RPN2: variants seen among roughly 807,000 people sequenced by gnomAD.
RPN2 encodes dolichyl-diphosphooligosaccharide--protein glycosyltransferase subunit 2.
RPN2 carries 29 observed loss-of-function variants against 71.4 expected under a neutral mutation model. The observed-to-expected ratio is 0.41, with a 90% confidence interval of 0.30 to 0.55. RPN2 has a LOEUF of 0.55. RPN2 is among the 20% of genes least tolerant of loss of function. The pLI, the probability that RPN2 is intolerant of heterozygous loss-of-function variation, is 0.35. For missense variants in RPN2, 726 were observed against 774.1 expected (o/e 0.94, Z 0.74); for synonymous variants, 308 against 305.0 (o/e 1.01, Z -0.10).
Position 37,213,751 on chromosome 20 carries a change from T to A in RPN2, c.987-9T>A. The A allele has an allele frequency of 5.0e-6, 8 of 1,604,778 alleles. No individual in the cohort carries two copies. The highest frequency in any genetic ancestry group is 6.8e-6 in the Non-Finnish European group (8 of 1,171,510). ...GAGTTCTTGCTAAGCCCATTGTCAT[T>A]CTTAACAGGGATGTTTTTGAACTAA... On this transcript the variant is annotated splice_polypyrimidine_tract_variant and intron_variant, in intron 8 of 16. Coordinates refer to ENST00000237530, the MANE Select transcript of RPN2 (RefSeq NM_002951.5).
chr20:37,233,904 A>G, intron 14 of RPN2, 116 bp from the exon 15 acceptor site: 1 of 1,107,558 alleles, frequency 9.0e-7, no homozygotes, highest in Middle Eastern at 2.0e-4. Flanking sequence ...CTGTCCTTCT[A>G]GGATGCATGA....
At chr20:37,206,666 C>A (rs2067515543) in intron 6 of RPN2, among the ~76,000 whole-genome samples, 1 of 152,044 alleles carries the variant, frequency 6.6e-6, no homozygotes, top group Non-Finnish European at 1.5e-5. Flanking sequence ...AGTTTCATAT[C>A]TCAGTAGTTA....
intron 6 of RPN2, among the ~76,000 whole-genome samples, 181 bp from the exon 7 acceptor site, chr20:37,207,092 C>T (rs1462891219): frequency 6.6e-6 from 1 of 152,102 alleles, no homozygotes; most frequent in Non-Finnish European, 1.5e-5. Context: ...ACAACCACAT[C>T]CAAGTTCTAA....
At chr20:37,192,704 A>T (rs2067169549) in intron 2 of RPN2, among the ~76,000 whole-genome samples, 1 of 152,202 alleles carries the variant, frequency 6.6e-6, no homozygotes, top group Admixed American at 6.5e-5. Context: ...TACATGCACG[A>T]ATATTTGCAA....
chr20:37,212,485 ATT>A (rs11477716), intron 8 of RPN2, among the ~76,000 whole-genome samples: 110 of 145,576 alleles, frequency 7.6e-4, no homozygotes, highest in Admixed American at 1.2e-3. Flanking sequence ...ATTGTATAGA[ATT>A]TTTTTTTTTT....
rs747690463 is a variant in RPN2 at position 37,213,871 on chromosome 20, T to A, written c.1092+6T>A. On this transcript the variant is annotated splice_donor_region_variant and intron_variant, in intron 9 of 16. Coordinates refer to ENST00000237530, the MANE Select transcript of RPN2 (RefSeq NM_002951.5). ...ATATTGCAAATACCGTAGAGGTAGGTGTTTTTCTTTCCTTCCCATTGCCAT... is the reference window on the plus strand; with the variant it reads ...ATATTGCAAATACCGTAGAGGTAGGAGTTTTTCTTTCCTTCCCATTGCCAT... 69 of 1,600,896 alleles carry A rather than the reference T, an allele frequency of 4.3e-5. No homozygotes were observed. The highest frequency in any genetic ancestry group is 5.6e-5 in the Non-Finnish European group (65 of 1,168,048).
intron 2 of RPN2, among the ~76,000 whole-genome samples, chr20:37,194,134 T>C (rs891827328): frequency 1.3e-5 from 2 of 152,182 alleles, no homozygotes; most frequent in African/African-American, 4.8e-5. Context: ...AGGTTGCCAC[T>C]GGCCTGCTGG....
At chr20:37,238,568 G>A in intron 16 of RPN2, 1 of 762,374 alleles carries the variant, frequency 1.3e-6, no homozygotes, top group Non-Finnish European at 2.3e-6. Flanking sequence ...CCCTCCCTAA[G>A]CCACAGCTGA....
At chr20:37,206,521 T>G (rs2067512438) in intron 6 of RPN2, among the ~76,000 whole-genome samples, 1 of 152,200 alleles carries the variant, frequency 6.6e-6, no homozygotes, top group Admixed American at 6.6e-5. Context: ...AGTTTCATTT[T>G]TTGGGAAACA....
intron 2 of RPN2, among the ~76,000 whole-genome samples, chr20:37,194,255 ATTGTTGTTGTTG>A (rs71843863): frequency 1.3e-5 from 2 of 150,080 alleles, no homozygotes; most frequent in Non-Finnish European, 3.0e-5. Context: ...GTTGAGGGAA[ATTGTTGTTGTTG>A]TTGTTGTTGT....
At chr20:37,192,228 ATTTG>A (rs2067157527) in intron 2 of RPN2, among the ~76,000 whole-genome samples, 2 of 152,186 alleles carry the variant, frequency 1.3e-5, no homozygotes, top group African/African-American at 4.8e-5. Flanking sequence ...TAGTAAGTAT[ATTTG>A]TTTGTGGGTC....
rs749078833 is a variant in RPN2, at chr20:37,229,956, T to C, written c.1495-17T>C. ...TCTCTGCCCCTGTGCTTTTACAGAC[T>C]GTCCTTATTTTTCTAGGCTGATGTG... On this transcript the variant is annotated splice_polypyrimidine_tract_variant and intron_variant, in intron 12 of 16. Coordinates refer to ENST00000237530, the MANE Select transcript of RPN2 (RefSeq NM_002951.5). 6 of 1,597,478 alleles carry C rather than the reference T, an allele frequency of 3.8e-6. No individual in the cohort carries two copies. The East Asian group carries it at 1.1e-4, about 30-fold the overall frequency.
chr20:37,198,512 C>G lies in RPN2; in HGVS notation c.303+20C>G, dbSNP rs776742985. 6.2e-6 allele frequency: 10 copies of G among 1,614,040 alleles called. No individual in the cohort carries two copies. The South Asian group carries it at 1.1e-4, about 18-fold the overall frequency. Reference sequence around the variant, plus strand: ...TGTGAGGTGAGTCCGGGTTCCTACGCTGACAATGACTTTAACTATTTAAAG... The same window carrying G: ...TGTGAGGTGAGTCCGGGTTCCTACGGTGACAATGACTTTAACTATTTAAAG... On this transcript the variant is annotated intron_variant, in intron 3 of 16. Transcript: ENST00000237530.
intron 9 of RPN2, among the ~76,000 whole-genome samples, chr20:37,219,294 T>G (rs558805405): frequency 6.6e-6 from 1 of 152,372 alleles, no homozygotes; most frequent in African/African-American, 2.4e-5. Flanking sequence ...TCTCTTTATG[T>G]GCTTATTGGT....
intron 9 of RPN2, among the ~76,000 whole-genome samples, chr20:37,214,667 T>A (rs1250871843): frequency 6.6e-6 from 1 of 152,204 alleles, no homozygotes; most frequent in African/African-American, 2.4e-5. Flanking sequence ...TTCTTCATGA[T>A]CAGGTTCAGG....
At position 37,184,337 on chromosome 20, in the gene RPN2, A is replaced by G. The variant is rs1298397558; in HGVS notation, c.171A>G (p.Gly57=). The G allele has an allele frequency of 1.9e-6, 3 of 1,613,978 alleles. No homozygotes were observed. Residue 57 remains glycine (G), a synonymous_variant, in exon 2 of 17, where the codon GGA becomes GGG. Coordinates refer to ENST00000237530, the MANE Select transcript of RPN2 (RefSeq NM_002951.5). Reference sequence around the variant, plus strand: ...AATCTGCCTTCTACTCCATCGTGGGACTCAGCAGCCTTGGTGCTCAGGTGC... The same window carrying G: ...AATCTGCCTTCTACTCCATCGTGGGGCTCAGCAGCCTTGGTGCTCAGGTGC... ...NLESAFYSIV[G]LSSLGAQVPD... is the part of the protein sequence containing the mutation.
chr20:37,231,270 G>A (rs139385715), intron 13 of RPN2, among the ~76,000 whole-genome samples: 1 of 152,084 alleles, frequency 6.6e-6, no homozygotes, highest in East Asian at 1.9e-4. Flanking sequence ...GGGCCTAAAC[G>A]GAGGTCTCCA....
intron 13 of RPN2, among the ~76,000 whole-genome samples, chr20:37,231,920 G>C (rs534147945): frequency 2.6e-5 from 4 of 152,142 alleles, no homozygotes; most frequent in Non-Finnish European, 4.4e-5. Context: ...GAAACATTGC[G>C]AGTCCAGCGT....
At chr20:37,189,215 G>A (rs930628075) in intron 2 of RPN2, among the ~76,000 whole-genome samples, 5 of 152,190 alleles carry the variant, frequency 3.3e-5, no homozygotes, top group African/African-American at 9.7e-5. Context: ...GATTATAGGT[G>A]TGAGCCACCC....
Sources: gnomAD v4.1 joint callset for allele counts (sites outside exome capture counted in the v4.1 genomes callset) on GRCh38, gnomAD v4.1.1 for gene constraint, MANE v1.5 for transcripts, NCBI Gene and HGNC (gene_info 2026-07-23, HGNC 2026-07-21) for gene names.